LRRC4C: variants seen among roughly 807,000 people sequenced by gnomAD.
LRRC4C encodes the protein leucine-rich repeat-containing protein 4C.
In LRRC4C, 5 loss-of-function variants were observed where a neutral mutation model predicts 33.6. The observed-to-expected ratio is 0.15, with a 90% CI of 0.08 to 0.31. The LOEUF is 0.31. Ranked by LOEUF, LRRC4C falls within the 10% of genes least tolerant of loss-of-function variation. The pLI is 1.00. For missense variants in LRRC4C, 560 were observed against 796.7 expected, an observed-to-expected ratio of 0.70 and a Z score of 3.58; for synonymous variants, 329 against 302.0, an observed-to-expected ratio of 1.09 and a Z score of -0.93.
chr11:41,054,683 A>T (rs1405128357), intron 1 of LRRC4C, among the ~76,000 whole-genome samples: 1 of 152,174 alleles, frequency 6.6e-6, no homozygotes, highest in Non-Finnish European at 1.5e-5. Flanking sequence ...GATTGATGTT[A>T]TTTGGGAGAA....
chr11:40,767,120 A>G, intron 2 of LRRC4C, among the ~76,000 whole-genome samples: 1 of 152,110 alleles, frequency 6.6e-6, no homozygotes, highest in East Asian at 1.9e-4. Flanking sequence ...ACAGAAAATA[A>G]ATAAATAAAA....
At chr11:41,386,723 C>A (rs912722076) in intron 1 of LRRC4C, among the ~76,000 whole-genome samples, 1 of 151,520 alleles carries the variant, frequency 6.6e-6, no homozygotes, top group African/African-American at 2.4e-5. Context: ...CATGCTGTTC[C>A]CAACAGACTG....
chr11:41,114,653 T>G lies in LRRC4C; in HGVS notation c.-495-180930A>C, dbSNP rs189965504. On this transcript the variant is annotated intron_variant, in intron 1 of 6. Transcript: ENST00000528697. ...AAAAATAAGTACAATCAAACAATAT[T>G]AATTCACTGAAGCTGATTCAATAAG... is the stretch of plus-strand genomic sequence containing the variant. Among the ~76,000 whole-genome samples, 162 of 152,186 alleles carry G rather than the reference T, an allele frequency of 1.1e-3. 1 individual carries two copies. Among genetic ancestry groups the G allele is most frequent in the African/African-American group, 3.8e-3 (160 of 41,566 alleles).
intron 2 of LRRC4C, among the ~76,000 whole-genome samples, chr11:40,758,137 C>T (rs1388952784): frequency 6.6e-6 from 1 of 152,036 alleles, no homozygotes; most frequent in African/African-American, 2.4e-5. Flanking sequence ...CTTCAGCAAA[C>T]ATTTCCTGGG....
chr11:40,984,406 AG>A (rs1157935557), intron 1 of LRRC4C, among the ~76,000 whole-genome samples: 4 of 86,340 alleles, frequency 4.6e-5, no homozygotes, highest in Admixed American at 4.4e-4. Flanking sequence ...AAAGAAAGAA[AG>A]AAAGAAAGAG....
intron 3 of LRRC4C, among the ~76,000 whole-genome samples, chr11:40,405,353 T>C (rs1320072439): frequency 1.3e-5 from 2 of 151,978 alleles, no homozygotes; most frequent in Non-Finnish European, 2.9e-5. Context: ...AAATGGAATC[T>C]GGCTGGGCAT....
intron 2 of LRRC4C, among the ~76,000 whole-genome samples, chr11:40,774,723 T>G (rs2137206415): frequency 6.6e-6 from 1 of 152,128 alleles, no homozygotes; most frequent in East Asian, 1.9e-4. Context: ...GGAAAAAAAT[T>G]TAAAAGACTA....
chr11:40,728,553 G>C (rs1947402151), intron 2 of LRRC4C, among the ~76,000 whole-genome samples: 1 of 147,930 alleles, frequency 6.8e-6, no homozygotes, highest in Non-Finnish European at 1.5e-5. Flanking sequence ...ATGAACCAGA[G>C]AGGCGGAGCT....
intron 2 of LRRC4C, among the ~76,000 whole-genome samples, chr11:40,714,800 T>C (rs1946628155): frequency 6.6e-6 from 1 of 152,232 alleles, no homozygotes; most frequent in Non-Finnish European, 1.5e-5. Flanking sequence ...TGGTTTATTA[T>C]GACTAACCTG....
chr11:41,102,370 G>C (rs1375174688), intron 1 of LRRC4C, among the ~76,000 whole-genome samples: 2 of 151,972 alleles, frequency 1.3e-5, no homozygotes, highest in African/African-American at 2.4e-5. Context: ...AATTTACACA[G>C]ATAAATAATT....
intron 2 of LRRC4C, among the ~76,000 whole-genome samples, chr11:40,866,614 T>C (rs1187126925): frequency 6.6e-6 from 1 of 152,122 alleles, no homozygotes; most frequent in Non-Finnish European, 1.5e-5. Context: ...ACTGTCATGA[T>C]CAAGAGCTTG....
chr11:40,831,690 C>T (rs1013886076), intron 2 of LRRC4C, among the ~76,000 whole-genome samples: 1 of 152,092 alleles, frequency 6.6e-6, no homozygotes, highest in Non-Finnish European at 1.5e-5. Flanking sequence ...GCCTCACAAT[C>T]ATGGCAGAAG....
chr11:40,812,991 C>T (rs943390763), intron 2 of LRRC4C, among the ~76,000 whole-genome samples: 1 of 152,132 alleles, frequency 6.6e-6, no homozygotes, highest in Non-Finnish European at 1.5e-5. Context: ...ACATTAACAT[C>T]TTGAAATACA....
intron 1 of LRRC4C, among the ~76,000 whole-genome samples, chr11:41,449,048 G>A (rs1955931331): frequency 1.3e-5 from 2 of 152,286 alleles, no homozygotes; most frequent in Non-Finnish European, 2.9e-5. Flanking sequence ...ATTATGCAAA[G>A]GTAGTCTCTA....
intron 3 of LRRC4C, among the ~76,000 whole-genome samples, chr11:40,331,900 CATA>C (rs1946380632): frequency 1.3e-5 from 2 of 152,102 alleles, no homozygotes; most frequent in African/African-American, 2.4e-5. Flanking sequence ...AGCCAATTCT[CATA>C]ATATTAATAA....
At chr11:40,841,969 T>C (rs1952935894) in intron 2 of LRRC4C, among the ~76,000 whole-genome samples, 1 of 152,212 alleles carries the variant, frequency 6.6e-6, no homozygotes, top group Admixed American at 6.5e-5. Flanking sequence ...GGTACATGCC[T>C]GTTCCCACTC....
chr11:40,825,843 G>A (rs1237384633), intron 2 of LRRC4C, among the ~76,000 whole-genome samples: 1 of 149,198 alleles, frequency 6.7e-6, no homozygotes, highest in Non-Finnish European at 1.5e-5. Flanking sequence ...AAGGAAAGAA[G>A]CCAGTTGTAT....
chr11:40,656,930 T>C (rs928327747), intron 2 of LRRC4C, among the ~76,000 whole-genome samples: 2 of 152,200 alleles, frequency 1.3e-5, no homozygotes, highest in Non-Finnish European at 2.9e-5. Context: ...AAAATAAACA[T>C]TTTAAGGAAT....
intron 3 of LRRC4C, among the ~76,000 whole-genome samples, chr11:40,413,780 T>A (rs1950230606): frequency 6.6e-6 from 1 of 152,100 alleles, no homozygotes. Flanking sequence ...TGACCCTACT[T>A]GAAACTTTCC....
Sources: gnomAD v4.1 joint callset for allele counts (sites outside exome capture counted in the v4.1 genomes callset) on GRCh38, gnomAD v4.1.1 for gene constraint, MANE v1.5 for transcripts, NCBI Gene and HGNC (gene_info 2026-07-23, HGNC 2026-07-21) for gene names.